The following MCM5 variants were observed in gnomAD, a reference collection of about 807,000 sequenced individuals.
MCM5 encodes the protein DNA replication licensing factor MCM5.
In MCM5, 46 loss-of-function variants were observed where a neutral mutation model predicts 79.9. The ratio of observed to expected loss-of-function variants is 0.58; its 90% CI spans 0.45 to 0.74. MCM5 has a LOEUF of 0.74. Among genes scored for constraint, MCM5 ranks in the 30% least tolerant of loss-of-function variants. MCM5 has a pLI of 0.00. For synonymous variants in MCM5, 404 were observed against 390.5 expected, an observed-to-expected ratio of 1.03 and a Z score of -0.41; for missense variants, 883 against 1,017.0, an observed-to-expected ratio of 0.87 and a Z score of 1.79.
the MCM5 span, among the ~76,000 whole-genome samples, chr22:35,447,467 G>T: frequency 2.6e-5 from 4 of 151,206 alleles, no homozygotes; most frequent in South Asian, 2.1e-4. Context: ...ATGTATTTAT[G>T]TATTTATTTA....
the MCM5 span, among the ~76,000 whole-genome samples, chr22:35,450,385 G>C: frequency 1.7e-3 from 263 of 152,094 alleles, 2 homozygotes; most frequent in Non-Finnish European, 3.3e-3. Context: ...CTCGCAGGAA[G>C]ACCCCCTCCA....
chr22:35,433,421 C>T, the MCM5 span, among the ~76,000 whole-genome samples: 10 of 152,188 alleles, frequency 6.6e-5, no homozygotes. Flanking sequence ...TCAGAGAGGG[C>T]ATGTGGCATG....
chr22:35,413,334 G>A (rs1255532058), intron 8 of MCM5, among the ~76,000 whole-genome samples: 1 of 152,172 alleles, frequency 6.6e-6, no homozygotes, highest in Non-Finnish European at 1.5e-5. Context: ...GTGAGCCACC[G>A]CACCCGGCCG....
Position 35,400,463 on chromosome 22 carries a change from A to C in MCM5, c.25A>C (p.Ile9Leu). The C allele has an allele frequency of 1.2e-6, 2 of 1,614,008 alleles. No homozygotes were observed. Among genetic ancestry groups the C allele is most frequent in the Non-Finnish European group, 1.7e-6 (2 of 1,179,960 alleles). The change falls in exon 2 of 17, where the codon ATT (isoleucine) becomes CTT (leucine). Residue 9 changes from isoleucine to leucine, a missense_variant. Physicochemically the swap from Ile to Leu is conservative, Grantham distance 5 (BLOSUM62 2). Coordinates refer to ENST00000216122, the MANE Select transcript of MCM5 (RefSeq NM_006739.4). MSGFDDPG[I>L]FYSDSFGGDA... ...CATGTCGGGATTCGACGATCCTGGC[A>C]TTTTCTACAGCGACAGCTTCGGGGG...
At chr22:35,428,970 CTT>C (rs35549972), downstream of MCM5, among the ~76,000 whole-genome samples, 145 of 65,512 alleles carry the variant, frequency 2.2e-3, no homozygotes, top group African/African-American at 9.2e-3. Context: ...TTTCTTTGAC[CTT>C]TTTTTTTTTT....
At chr22:35,432,649 C>T in the MCM5 span, among the ~76,000 whole-genome samples, 2 of 152,196 alleles carry the variant, frequency 1.3e-5, no homozygotes, top group Admixed American at 1.3e-4. Context: ...CTGGCCCTGG[C>T]CATCTGCTCA....
chr22:35,431,058 C>T, the MCM5 span, among the ~76,000 whole-genome samples: 2 of 152,162 alleles, frequency 1.3e-5, no homozygotes, highest in South Asian at 2.1e-4. Flanking sequence ...GCCTGCAGGG[C>T]CAGCTCTCCA....
At chr22:35,406,127 A>G (rs983520564) in intron 4 of MCM5, among the ~76,000 whole-genome samples, 9 of 152,190 alleles carry the variant, frequency 5.9e-5, no homozygotes, top group Non-Finnish European at 1.2e-4. Flanking sequence ...AAGACCACAC[A>G]GCAGGTTTTG....
intron 8 of MCM5, among the ~76,000 whole-genome samples, chr22:35,413,047 T>C (rs1231886509): frequency 6.6e-6 from 1 of 151,860 alleles, no homozygotes; most frequent in Non-Finnish European, 1.5e-5. Flanking sequence ...ACAGCCATTC[T>C]TTGTTTTTTT....
Position 35,423,254 on chromosome 22 carries a change from G to T in MCM5, c.2016G>T (p.Leu672=). The change falls in exon 16 of 17, where the codon CTG becomes CTT. Residue 672 remains leucine, a synonymous_variant. Transcript: ENST00000216122. ...GFTSQEDQEM[L]SRIEKQLKRR... ...CCAGCCAGGAGGACCAGGAGATGCT[G>T]AGCCGCATCGAGAAGCAGCTCAAGC... 1 of 1,605,050 alleles carries T rather than the reference G, an allele frequency of 6.2e-7. No homozygotes were observed. Among genetic ancestry groups the T allele is most frequent in the Non-Finnish European group, 8.5e-7 (1 of 1,174,306 alleles).
In MCM5 at chr22:35,400,480, C is replaced by T. The variant is rs1322976871; in HGVS notation, c.42C>T (p.Ser14=). Residue 14 remains serine, a synonymous_variant, in exon 2 of 17, where the codon AGC becomes AGT. Transcript: ENST00000216122. ...ATCCTGGCATTTTCTACAGCGACAG[C>T]TTCGGGGGCGACGCCCAGGCCGACG... ...FDDPGIFYSD[S]FGGDAQADEG... is the part of the protein sequence containing the mutation. 1.2e-6 allele frequency: 2 copies of T among 1,614,118 alleles called. No homozygotes were observed. The highest frequency in any genetic ancestry group is 1.7e-6 in the Non-Finnish European group (2 of 1,179,986).
chr22:35,406,730 G>T lies in MCM5; in HGVS notation c.596+5G>T. On this transcript the variant is annotated splice_donor_5th_base_variant and intron_variant, in intron 5 of 16. Coordinates refer to ENST00000216122, the MANE Select transcript of MCM5 (RefSeq NM_006739.4). ...CCTGCCCAGGAAGTGCAACACGTGA[G>T]TCTGTGGCCCAGAGGGACTGTGGGA... 6.2e-7 allele frequency: 1 copy of T among 1,605,706 alleles called. No individual in the cohort carries two copies.
the MCM5 span, among the ~76,000 whole-genome samples, chr22:35,439,557 A>C: frequency 6.6e-6 from 1 of 152,140 alleles, no homozygotes; most frequent in Non-Finnish European, 1.5e-5. Flanking sequence ...CAAATACTGA[A>C]CACAATGTGT....
the MCM5 span, among the ~76,000 whole-genome samples, chr22:35,449,133 G>A: frequency 1.3e-5 from 2 of 152,170 alleles, no homozygotes; most frequent in African/African-American, 4.8e-5. Context: ...GGCTTTGCAG[G>A]AAACCGAGGG....
downstream of MCM5, among the ~76,000 whole-genome samples, chr22:35,430,302 G>A (rs1272708770): frequency 1.3e-5 from 2 of 152,210 alleles, no homozygotes; most frequent in Non-Finnish European, 2.9e-5. Flanking sequence ...TAAGAGGATT[G>A]ATAATAGTGT....
rs186303830 is a variant in MCM5, at chr22:35,406,657, C to A, written c.528C>A (p.Arg176=). The A allele has an allele frequency of 1.6e-4, 259 of 1,612,440 alleles. 2 individuals are homozygous for A. The East Asian group carries it at 5.4e-3, about 33-fold the overall frequency. The change falls in exon 5 of 17, where the codon CGC becomes CGA. Residue 176 remains arginine, a synonymous_variant. Coordinates refer to ENST00000216122, the MANE Select transcript of MCM5 (RefSeq NM_006739.4). The stretch of plus-strand genomic sequence containing the variant: ...TCTCTATCCAGTGCCGCAGCTGCCG[C>A]AACACCCTCACCAACATTGCCATGC... ...TRISIQCRSC[R]NTLTNIAMRP...
At chr22:35,444,508 G>A in the MCM5 span, among the ~76,000 whole-genome samples, 7 of 152,286 alleles carry the variant, frequency 4.6e-5, 1 homozygote, top group East Asian at 7.7e-4. Context: ...CTGGGCTGTC[G>A]CGGCCCAGAG....
the MCM5 span, among the ~76,000 whole-genome samples, chr22:35,451,399 CG>C: frequency 6.6e-6 from 1 of 152,242 alleles, no homozygotes; most frequent in African/African-American, 2.4e-5. Context: ...CCTTGCCAGG[CG>C]GCTCTGCCAA....
At chr22:35,449,685 T>C in the MCM5 span, among the ~76,000 whole-genome samples, 7 of 152,380 alleles carry the variant, frequency 4.6e-5, no homozygotes, top group African/African-American at 1.4e-4. Flanking sequence ...GGCACCTTGC[T>C]CTGTCCTATT....
Sources: gnomAD v4.1 joint callset for allele counts (sites outside exome capture counted in the v4.1 genomes callset) on GRCh38, gnomAD v4.1.1 for gene constraint, MANE v1.5 for transcripts, NCBI Gene and HGNC (gene_info 2026-07-23, HGNC 2026-07-21) for gene names.